The following AFG3L2 variants were observed in gnomAD, a reference collection of about 807,000 sequenced individuals.
The protein encoded by AFG3L2 is AFG3 like matrix AAA peptidase subunit 2.
AFG3L2 carries 54 observed loss-of-function variants against 94.5 expected under a neutral mutation model. The observed-to-expected ratio is 0.57, with a 90% confidence interval of 0.46 to 0.72. The LOEUF (loss-of-function observed/expected upper bound fraction) is 0.72. AFG3L2 is among the 30% of genes least tolerant of loss of function. The probability of loss-of-function intolerance (pLI) is 0.00; values close to 1 mark genes in which losing one functional copy is unlikely to be tolerated. For synonymous variants in AFG3L2, 377 were observed against 365.5 expected, an observed-to-expected ratio of 1.03 and a Z score of -0.36; for missense variants, 754 against 994.9, an observed-to-expected ratio of 0.76 and a Z score of 3.26.
chr18:12,345,210 C>A (rs190392458), intron 13 of AFG3L2, among the ~76,000 whole-genome samples: 63 of 152,350 alleles, frequency 4.1e-4, no homozygotes, highest in Admixed American at 7.2e-4. Context: ...ACCCCAGCGA[C>A]ACAGGGCCCA....
chr18:12,371,569 T>C (rs1485275336), intron 2 of AFG3L2, 23 bp downstream of exon 2: 1 of 1,602,040 alleles, frequency 6.2e-7, no homozygotes, highest in Non-Finnish European at 8.5e-7. Context: ...TGTAGAACAC[T>C]ACAGCCACAC....
chr18:12,329,538 A>C lies in AFG3L2; in HGVS notation c.*27T>G, dbSNP rs1423392358. 1.9e-6 allele frequency: 3 copies of C among 1,605,492 alleles called. No homozygotes were observed. The highest frequency in any genetic ancestry group is 2.6e-6 in the Non-Finnish European group (3 of 1,173,090). ...TGCACCAGCTGAAACCACAGTGGAC[A>C]GACTGAGATGGCCTCCCTCTGGGCC... On this transcript the variant is annotated 3_prime_UTR_variant, in exon 17 of 17. Coordinates refer to ENST00000269143, the MANE Select transcript of AFG3L2 (RefSeq NM_006796.3).
At chr18:12,366,021 C>T (rs796645806) in intron 5 of AFG3L2, among the ~76,000 whole-genome samples, 15 of 152,066 alleles carry the variant, frequency 9.9e-5, no homozygotes, top group African/African-American at 3.4e-4. Flanking sequence ...ACTACAGGCA[C>T]GTGCCACCAC....
At chr18:12,337,636 T>C (rs879367860) in intron 15 of AFG3L2, 101 bp from the exon 16 acceptor site, 11 of 1,084,212 alleles carry the variant, frequency 1.0e-5, no homozygotes, top group Non-Finnish European at 1.4e-5. Context: ...AAAGGTGCTC[T>C]GTGTAGCCAG....
At chr18:12,349,695 CTT>C (rs990613620) in intron 12 of AFG3L2, among the ~76,000 whole-genome samples, 4 of 152,104 alleles carry the variant, frequency 2.6e-5, no homozygotes, top group Non-Finnish European at 5.9e-5. Flanking sequence ...GAGTTTTGCT[CTT>C]GTCACCCAGG....
At chr18:12,360,782 A>C (rs1908636576) in intron 6 of AFG3L2, among the ~76,000 whole-genome samples, 1 of 152,196 alleles carries the variant, frequency 6.6e-6, no homozygotes, top group Non-Finnish European at 1.5e-5. Flanking sequence ...TCCATTCTAC[A>C]GATGACAAAA....
chr18:12,339,236 CAAAAAAA>C (rs539968042), intron 15 of AFG3L2, among the ~76,000 whole-genome samples: 24 of 41,288 alleles, frequency 5.8e-4, no homozygotes, highest in African/African-American at 2.4e-3. Flanking sequence ...GACTCTGTCT[CAAAAAAA>C]AAAAAAAAAA....
chr18:12,376,729 G>A (rs1338805047), intron 1 of AFG3L2, among the ~76,000 whole-genome samples: 1 of 152,224 alleles, frequency 6.6e-6, no homozygotes, highest in Non-Finnish European at 1.5e-5. Flanking sequence ...CCGGTGAAGC[G>A]CGAAAACCCG....
At chr18:12,352,457 G>T (rs1385253017) in intron 10 of AFG3L2, among the ~76,000 whole-genome samples, 1 of 152,278 alleles carries the variant, frequency 6.6e-6, no homozygotes, top group African/African-American at 2.4e-5. Context: ...TTTCCTAAAT[G>T]AAATAAAAGC....
At chr18:12,333,338 T>C (rs1190614823) in intron 16 of AFG3L2, among the ~76,000 whole-genome samples, 33 of 131,910 alleles carry the variant, frequency 2.5e-4, no homozygotes, top group Non-Finnish European at 4.6e-4. Context: ...TAAAATTATA[T>C]ATATAATATA....
intron 1 of AFG3L2, among the ~76,000 whole-genome samples, chr18:12,376,428 A>G (rs1317925118): frequency 6.6e-6 from 1 of 152,236 alleles, no homozygotes; most frequent in African/African-American, 2.4e-5. Flanking sequence ...TGCTGAGAGC[A>G]GGCCCTGATA....
Position 12,351,308 on chromosome 18 carries a change from A to G in AFG3L2, c.1424T>C (p.Ile475Thr), listed in dbSNP as rs1908307732. ...TGCCCCAGCAAACATCATCTCACCA[A>G]TAAAGATCTGCCTGTCGAAACGCCC... ...RPGRFDRQIF[I>T]GPPDIKGRAS... Residue 475 changes from isoleucine to threonine, a missense_variant and splice_region_variant, in exon 11 of 17, where the codon ATT becomes ACT. Transcript: ENST00000269143. 1 of 1,614,068 alleles carries G rather than the reference A, an allele frequency of 6.2e-7. No homozygotes were observed. Among genetic ancestry groups the G allele is most frequent in the Non-Finnish European group, 8.5e-7 (1 of 1,180,026 alleles).
intron 5 of AFG3L2, among the ~76,000 whole-genome samples, chr18:12,365,119 G>A (rs896763757): frequency 2.6e-5 from 4 of 152,186 alleles, no homozygotes; most frequent in Non-Finnish European, 5.9e-5. Flanking sequence ...AAAAGCAAAG[G>A]AGCCCCAGAG....
At position 12,344,227 on chromosome 18, in the gene AFG3L2, C is replaced by G. The variant is rs552006318; in HGVS notation, c.1684G>C (p.Val562Leu). 1 of 1,614,188 alleles carries G rather than the reference C, an allele frequency of 6.2e-7. No homozygotes were observed. Among genetic ancestry groups the G allele is most frequent in the African/African-American group, 1.3e-5 (1 of 75,056 alleles). The change falls in exon 14 of 17, where the codon GTT becomes CTT. Residue 562 changes from valine to leucine, a missense_variant. Physicochemically the swap from Val to Leu is conservative, Grantham distance 32. This residue lies in a region of AFG3L2 where 279 missense variants were observed against 378.6 expected (regional missense o/e 0.74). Coordinates refer to ENST00000269143, the MANE Select transcript of AFG3L2 (RefSeq NM_006796.3). ...GTCTTCTTCTCCTCAGGCTGCAGAACCTGCGTTTTCTTCTCTAAGCCTAAC... is the reference window on the plus strand; with the variant it reads ...GTCTTCTTCTCCTCAGGCTGCAGAAGCTGCGTTTTCTTCTCTAAGCCTAAC... ...VIGGLEKKTQ[V>L]LQPEEKKTVA...
At chr18:12,363,713 T>G in intron 6 of AFG3L2, 69 bp downstream of exon 6, 1 of 1,314,734 alleles carries the variant, frequency 7.6e-7, no homozygotes, top group Non-Finnish European at 1.1e-6. Context: ...GAGGCAGGTT[T>G]TCCTTTCAGC....
intron 1 of AFG3L2, among the ~76,000 whole-genome samples, chr18:12,372,350 T>A (rs940357031): frequency 2.6e-5 from 4 of 152,024 alleles, no homozygotes. Flanking sequence ...CAAAACCAAA[T>A]AAAACCACCT....
chr18:12,375,167 T>C (rs1269340794), intron 1 of AFG3L2, among the ~76,000 whole-genome samples: 2 of 151,048 alleles, frequency 1.3e-5, no homozygotes, highest in Admixed American at 6.6e-5. Flanking sequence ...GGCGTGACCA[T>C]GGCGAAGAAA....
intron 6 of AFG3L2, among the ~76,000 whole-genome samples, chr18:12,361,285 A>G (rs539364498): frequency 3.9e-4 from 59 of 151,982 alleles, no homozygotes; most frequent in Non-Finnish European, 5.1e-4. Flanking sequence ...CCTGGGAGGC[A>G]CAGGTTGCAG....
At chr18:12,370,087 G>A (rs1414296935) in intron 3 of AFG3L2, among the ~76,000 whole-genome samples, 6 of 145,866 alleles carry the variant, frequency 4.1e-5, no homozygotes, top group Non-Finnish European at 9.0e-5. Flanking sequence ...AAGCAAGGAA[G>A]TCAGTCAAAA....
Sources: allele counts gnomAD v4.1 joint callset (sites outside exome capture counted in the v4.1 genomes callset), GRCh38; gene constraint gnomAD v4.1.1; regional missense constraint gnomAD v4.1.1; transcripts MANE v1.5; gene names NCBI Gene and HGNC (gene_info 2026-07-23, HGNC 2026-07-21).